The following ANKFY1 variants were observed in gnomAD, a reference collection of about 807,000 sequenced individuals.
ANKFY1 encodes ankyrin repeat and FYVE domain-containing protein 1.
In ANKFY1, 47 loss-of-function variants were observed where a neutral mutation model predicts 128.3. The ratio of observed to expected loss-of-function variants is 0.37; its 90% CI spans 0.29 to 0.47. The LOEUF (loss-of-function observed/expected upper bound fraction) is 0.47. Ranked by LOEUF, ANKFY1 falls within the 20% of genes least tolerant of loss-of-function variation. ANKFY1 has a pLI of 1.00. For missense variants in ANKFY1, 1,222 were observed against 1,510.6 expected, an observed-to-expected ratio of 0.81 and a Z score of 3.17; for synonymous variants, 553 against 601.6, an observed-to-expected ratio of 0.92 and a Z score of 1.18.
At chr17:4,233,252 C>T (rs1222818790) in intron 3 of ANKFY1, among the ~76,000 whole-genome samples, 1 of 151,960 alleles carries the variant, frequency 6.6e-6, no homozygotes, top group Non-Finnish European at 1.5e-5. Context: ...ACATTCTGTT[C>T]ATATAATCAA....
chr17:4,207,866 T>G (rs1598077191), intron 6 of ANKFY1, 67 bp downstream of exon 6: 3 of 1,461,604 alleles, frequency 2.1e-6, no homozygotes, highest in Non-Finnish European at 9.1e-7. Context: ...AAGTGAGAAG[T>G]ACCACGGAGA....
chr17:4,263,477 C>CCCCAAA, intron 1 of ANKFY1: 1 of 825,138 alleles, frequency 1.2e-6, no homozygotes, highest in Non-Finnish European at 1.8e-6. Flanking sequence ...CACCCCACCC[C>CCCCAAA]ACCTCACCCC....
intron 22 of ANKFY1, among the ~76,000 whole-genome samples, chr17:4,171,995 A>G (rs2059328968): frequency 6.6e-6 from 1 of 152,158 alleles, no homozygotes; most frequent in Non-Finnish European, 1.5e-5. Context: ...TTCCCTTATG[A>G]GGCTGCCGTG....
intron 1 of ANKFY1, 54 bp downstream of exon 1, chr17:4,263,878 G>T: frequency 6.2e-7 from 1 of 1,613,362 alleles, no homozygotes; most frequent in Non-Finnish European, 8.5e-7. Flanking sequence ...CGCACGGCCA[G>T]CAGCGCCCCC....
At chr17:4,183,732 T>C in intron 13 of ANKFY1, 80 bp downstream of exon 13, 2 of 1,477,336 alleles carry the variant, frequency 1.4e-6, no homozygotes, top group South Asian at 2.3e-5. Flanking sequence ...CCTCTTTCTT[T>C]CTCGCTCCCT....
At chr17:4,261,797 T>C (rs561982080) in intron 1 of ANKFY1, among the ~76,000 whole-genome samples, 2 of 152,320 alleles carry the variant, frequency 1.3e-5, no homozygotes, top group East Asian at 3.9e-4. Flanking sequence ...CTTACCTTCC[T>C]AAGTGCAAAA....
intron 1 of ANKFY1, among the ~76,000 whole-genome samples, chr17:4,246,032 C>G (rs1245235356): frequency 6.6e-6 from 1 of 151,948 alleles, no homozygotes; most frequent in African/African-American, 2.4e-5. Flanking sequence ...TGACAGAGGA[C>G]AGTCCGTCTC....
At chr17:4,201,540 A>AATCCTTC (rs1242922552) in intron 7 of ANKFY1, among the ~76,000 whole-genome samples, 3 of 150,768 alleles carry the variant, frequency 2.0e-5, no homozygotes, top group Non-Finnish European at 4.4e-5. Context: ...GAACCTGGGA[A>AATCCTTC]ATGTTTGAGA....
chr17:4,194,624 T>C (rs2143009626), intron 10 of ANKFY1: 1 of 270,894 alleles, frequency 3.7e-6, no homozygotes, highest in Non-Finnish European at 7.2e-6. Context: ...AACAGTGTTC[T>C]CAAAGTGTAG....
chr17:4,181,666 T>C lies in ANKFY1; in HGVS notation c.2122-294A>G, dbSNP rs538145956. Among the ~76,000 whole-genome samples the C allele has an allele frequency of 6.6e-6, 1 of 152,312 alleles. No individual in the cohort carries two copies. The highest frequency in any genetic ancestry group is 2.4e-5 in the African/African-American group (1 of 41,580). ...TCTAGAAGGGACAGAAAACAGAAAG[T>C]GTCTGTGTACACATGCACCAACGGG... On this transcript the variant is annotated intron_variant, in intron 15 of 24. Coordinates refer to ENST00000341657, the MANE Select transcript of ANKFY1 (RefSeq NM_001330063.2). This position sits in a 1 kb window ranked among gnomAD's most constrained non-coding sequence, Gnocchi z 4.9.
chr17:4,207,041 C>G (rs1272639255), intron 6 of ANKFY1, among the ~76,000 whole-genome samples: 1 of 152,110 alleles, frequency 6.6e-6, no homozygotes, highest in African/African-American at 2.4e-5. Context: ...TGGCAAAAGG[C>G]ACTTTGAGGA....
In ANKFY1 at chr17:4,227,359, T is replaced by C. The variant is rs2060442878; in HGVS notation, c.322+8413A>G. Among the ~76,000 whole-genome samples the C allele has an allele frequency of 3.3e-5, 5 of 152,314 alleles. No homozygotes were observed. In the South Asian group the frequency reaches 8.3e-4, roughly 25 times the overall value. ...AACATACATAAAAAAGGGTAATATA[T>C]AATGACCAAACAGGTTTTTACAGCA... On this transcript the variant is annotated intron_variant, in intron 3 of 24. Coordinates refer to ENST00000341657, the MANE Select transcript of ANKFY1 (RefSeq NM_001330063.2).
In ANKFY1 at chr17:4,179,702, GAA is replaced by G; in HGVS notation, c.2397+17_2397+18del. 2.5e-6 allele frequency: 4 copies of G among 1,612,046 alleles called. No individual in the cohort carries two copies. The highest frequency in any genetic ancestry group is 2.5e-6 in the Non-Finnish European group (3 of 1,179,274). On this transcript the variant is annotated intron_variant, in intron 17 of 24. Coordinates refer to ENST00000341657, the MANE Select transcript of ANKFY1 (RefSeq NM_001330063.2). ...TGCTGGGGCTACACCTCTCTCCCCG[GAA>G]AAGAGAAACGACACACCTGTGCGTT...
intron 1 of ANKFY1, among the ~76,000 whole-genome samples, chr17:4,253,642 T>G (rs553839248): frequency 6.6e-6 from 1 of 152,260 alleles, no homozygotes; most frequent in African/African-American, 2.4e-5. Context: ...CCAAACAATT[T>G]CAGCTGGTTC....
Position 4,171,161 on chromosome 17 carries a change from G to A in ANKFY1, c.3140-300C>T, listed in dbSNP as rs538864132. 5.2e-3 allele frequency among the ~76,000 whole-genome samples: 791 copies of A among 152,344 alleles called. 6 individuals are homozygous for A. The highest frequency in any genetic ancestry group is 0.019 in the African/African-American group (771 of 41,572). On this transcript the variant is annotated intron_variant, in intron 22 of 24. Coordinates refer to ENST00000341657, the MANE Select transcript of ANKFY1 (RefSeq NM_001330063.2). ...AGAGCTGAGGTCGCGCAGGTGGGGA[G>A]GGATTCAACACAGAGGGAATCATCT...
chr17:4,216,834 G>A, intron 4 of ANKFY1, 149 bp downstream of exon 4: 1 of 1,063,948 alleles, frequency 9.4e-7, no homozygotes, highest in Non-Finnish European at 1.4e-6. Context: ...CAAAGCAAGG[G>A]AGGTAACATC....
intron 7 of ANKFY1, among the ~76,000 whole-genome samples, chr17:4,202,981 C>CACATATATATAT (rs56856304): frequency 3.0e-4 from 44 of 146,300 alleles, no homozygotes; most frequent in African/African-American, 1.1e-3. Context: ...TAATCATACA[C>CACATATATATAT]ATATATATAT....
Position 4,169,002 on chromosome 17 carries a change from C to T in ANKFY1, c.3377+196G>A, listed in dbSNP as rs2059264836. ...CTCCAGCAGGAAAGCCACCCGTCTG[C>T]AGGCTCCCTGCCTTCCCTACATCTC... On this transcript the variant is annotated intron_variant, in intron 24 of 24. Transcript: ENST00000341657. This position sits in a 1 kb window ranked among gnomAD's most constrained non-coding sequence, Gnocchi z 5.0. 7.3e-6 allele frequency: 4 copies of T among 546,998 alleles called. No individual in the cohort carries two copies. The highest frequency in any genetic ancestry group is 1.3e-5 in the Non-Finnish European group (4 of 303,044). The allele number at this position is 546,998 out of a possible 1,614,324, so 33.9% of individuals were successfully genotyped here.
At chr17:4,190,831 G>A (rs1177627869) in intron 10 of ANKFY1, among the ~76,000 whole-genome samples, 2 of 152,094 alleles carry the variant, frequency 1.3e-5, no homozygotes, top group Non-Finnish European at 2.9e-5. Context: ...CACCAGGACT[G>A]AAAACAAGAT....
Sources: gnomAD v4.1 joint callset for allele counts (sites outside exome capture counted in the v4.1 genomes callset) on GRCh38, gnomAD v4.1.1 for gene constraint, Gnocchi (gnomAD v3.1) non-coding constraint, MANE v1.5 for transcripts, NCBI Gene and HGNC (gene_info 2026-07-23, HGNC 2026-07-21) for gene names.